PATJ: variants seen among roughly 807,000 people sequenced by gnomAD.
The protein encoded by PATJ is PATJ crumbs cell polarity complex component.
PATJ carries 190 observed loss-of-function variants against 224.9 expected under a neutral mutation model. That is an observed-to-expected ratio of 0.84 (90% CI 0.75 to 0.95). The LOEUF is 0.95. PATJ is among the 40% of genes least tolerant of loss of function. PATJ has a pLI of 0.00. For synonymous variants in PATJ, 769 were observed against 820.3 expected (o/e 0.94, Z 1.07); for missense variants, 2,121 against 2,270.3 (o/e 0.93, Z 1.34).
chr1:61,814,348 G>A (rs1655602088), intron 14 of PATJ, among the ~76,000 whole-genome samples: 1 of 151,852 alleles, frequency 6.6e-6, no homozygotes, highest in African/African-American at 2.4e-5. Context: ...TCACCTTGTT[G>A]GCCAGGCTGG....
intron 26 of PATJ, among the ~76,000 whole-genome samples, chr1:61,924,389 G>A (rs991570273): frequency 6.6e-6 from 1 of 151,988 alleles, no homozygotes; most frequent in African/African-American, 2.4e-5. Flanking sequence ...AGAAATACTA[G>A]TATTAACTGT....
At chr1:61,765,548 C>G (rs1646226393) in intron 3 of PATJ, among the ~76,000 whole-genome samples, 1 of 152,084 alleles carries the variant, frequency 6.6e-6, no homozygotes, top group Non-Finnish European at 1.5e-5. Context: ...CCATGCCCGG[C>G]TAATTTTTGT....
chr1:61,767,213 A>G (rs1441499304), intron 4 of PATJ, among the ~76,000 whole-genome samples: 1 of 152,204 alleles, frequency 6.6e-6, no homozygotes, highest in Non-Finnish European at 1.5e-5. Flanking sequence ...TGTTAGTTTT[A>G]TGTATGTTCA....
At chr1:62,003,849 T>G (rs1309837634) in intron 28 of PATJ, among the ~76,000 whole-genome samples, 1 of 152,160 alleles carries the variant, frequency 6.6e-6, no homozygotes, top group Non-Finnish European at 1.5e-5. Context: ...TGCCCAAGAT[T>G]TTTGGAAAGA....
At chr1:62,057,462 C>T (rs1654738823) in intron 31 of PATJ, among the ~76,000 whole-genome samples, 1 of 152,116 alleles carries the variant, frequency 6.6e-6, no homozygotes, top group African/African-American at 2.4e-5. Context: ...GAGATGACTC[C>T]CAGTTCACTG....
At chr1:61,916,506 A>C (rs931651182) in intron 26 of PATJ, among the ~76,000 whole-genome samples, 3 of 152,212 alleles carry the variant, frequency 2.0e-5, no homozygotes, top group African/African-American at 7.2e-5. Flanking sequence ...GTTTAGTAGA[A>C]GTAATGATAG....
chr1:62,084,432 C>A, intron 32 of PATJ, 83 bp from the exon 33 acceptor site: 2 of 1,426,694 alleles, frequency 1.4e-6, no homozygotes, highest in Non-Finnish European at 9.5e-7. Context: ...CACATGCAAG[C>A]CCCACACTCC....
chr1:61,943,622 G>C (rs1678180686), intron 27 of PATJ, among the ~76,000 whole-genome samples: 1 of 152,156 alleles, frequency 6.6e-6, no homozygotes, highest in Non-Finnish European at 1.5e-5. Context: ...GCAGCTCAAG[G>C]AGGCCTGCCT....
intron 25 of PATJ, among the ~76,000 whole-genome samples, chr1:61,909,239 C>T (rs1372667197): frequency 1.3e-5 from 2 of 152,294 alleles, no homozygotes; most frequent in African/African-American, 2.4e-5. Context: ...CTTGGCCTCC[C>T]AAAGTGCTGT....
intron 17 of PATJ, among the ~76,000 whole-genome samples, chr1:61,840,588 T>G (rs1325769069): frequency 6.6e-6 from 1 of 152,076 alleles, no homozygotes; most frequent in Non-Finnish European, 1.5e-5. Context: ...GCTCTTTCAT[T>G]TTGGTACTTA....
intron 35 of PATJ, among the ~76,000 whole-genome samples, chr1:62,115,498 C>A (rs1213647243): frequency 6.6e-6 from 1 of 151,240 alleles, no homozygotes; most frequent in African/African-American, 2.4e-5. Context: ...AAAATGAAGT[C>A]TATACTGCTT....
chr1:61,776,382 C>A lies in PATJ; in HGVS notation c.849+1048C>A, dbSNP rs755379884. On this transcript the variant is annotated intron_variant, in intron 7 of 43. Transcript: ENST00000642238. The stretch of plus-strand genomic sequence containing the variant: ...CAGCTGCAGGCTAAAACTGCTGGTG[C>A]CTTGGTGCAAAACAAAGGCAGTGGC... Among the ~76,000 whole-genome samples, 82 of 152,152 alleles carry A rather than the reference C, an allele frequency of 5.4e-4. 1 individual carries two copies. The highest frequency in any genetic ancestry group is 1.0e-3 in the Non-Finnish European group (69 of 68,040).
intron 3 of PATJ, 86 bp downstream of exon 3, chr1:61,763,265 C>A: frequency 2.6e-6 from 2 of 780,058 alleles, no homozygotes; most frequent in Admixed American, 3.6e-5. Flanking sequence ...TAGACAAAGA[C>A]AAATTATCTT....
chr1:61,991,757 A>G, intron 28 of PATJ: 2 of 982,860 alleles, frequency 2.0e-6, no homozygotes, highest in Non-Finnish European at 2.4e-6. Flanking sequence ...AAAGTCAAAG[A>G]TGACCTTATG....
chr1:61,831,791 A>C (rs571661709), intron 16 of PATJ, among the ~76,000 whole-genome samples: 7 of 152,360 alleles, frequency 4.6e-5, no homozygotes, highest in African/African-American at 1.7e-4. Context: ...GAGAACTTAA[A>C]ACAGAACTAC....
chr1:61,870,637 A>G (rs1286802631), intron 20 of PATJ, among the ~76,000 whole-genome samples: 1 of 152,152 alleles, frequency 6.6e-6, no homozygotes, highest in Admixed American at 6.5e-5. Context: ...GTTGATGGAT[A>G]TTTAGGTTGT....
Position 62,017,888 on chromosome 1 carries a change from C to A in PATJ, c.3900C>A (p.His1300Gln). 6.2e-7 allele frequency: 1 copy of A among 1,611,754 alleles called. No individual in the cohort carries two copies. The highest frequency in any genetic ancestry group is 8.5e-7 in the Non-Finnish European group (1 of 1,178,040). ...ATCAGATTCTGTATGGAAGAAGTCA[C>A]CAAAATGCATCTGCCATTATTAAGA... Reference protein sequence around the residue: ...INNQILYGRSHQNASAIIKTA... With the variant: ...INNQILYGRSQQNASAIIKTA... The change falls in exon 29 of 44, where the codon CAC becomes CAA. Residue 1300 changes from histidine (H) to glutamine (Q), a missense_variant. Coordinates refer to ENST00000642238, the MANE Select transcript of PATJ (RefSeq NM_001350145.3).
intron 28 of PATJ, chr1:61,991,848 G>A (rs1282511661): frequency 1.9e-6 from 1 of 530,234 alleles, no homozygotes; most frequent in Non-Finnish European, 2.4e-6. Context: ...CAAAAGTGAT[G>A]CTGGTAGTAA....
intron 37 of PATJ, among the ~76,000 whole-genome samples, chr1:62,119,781 TA>T (rs1664846557): frequency 6.6e-6 from 1 of 152,094 alleles, no homozygotes; most frequent in African/African-American, 2.4e-5. Flanking sequence ...CTGTCTCTAC[TA>T]AAAATACAAA....
Sources: allele counts gnomAD v4.1 joint callset (sites outside exome capture counted in the v4.1 genomes callset), GRCh38; gene constraint gnomAD v4.1.1; transcripts MANE v1.5; gene names NCBI Gene and HGNC (gene_info 2026-07-23, HGNC 2026-07-21).